CSMD1: variants seen among roughly 807,000 people sequenced by gnomAD.
CSMD1 encodes CUB and sushi domain-containing protein 1.
CSMD1 carries 213 observed loss-of-function variants against 417.5 expected under a neutral mutation model. That is an observed-to-expected ratio of 0.51 (90% CI 0.46 to 0.57). CSMD1 has a LOEUF of 0.57. Among genes scored for constraint, CSMD1 ranks in the 20% least tolerant of loss-of-function variants. The pLI is 0.00. For missense variants in CSMD1, 6,923 were observed against 4,529.7 expected, an observed-to-expected ratio of 1.53 and a Z score of -15.17; for synonymous variants, 2,862 against 1,736.8, an observed-to-expected ratio of 1.65 and a Z score of -16.11.
chr8:3,550,359 A>G (rs1585347723), intron 10 of CSMD1, among the ~76,000 whole-genome samples: 2 of 152,010 alleles, frequency 1.3e-5, no homozygotes, highest in Non-Finnish European at 2.9e-5. Context: ...CAGGGCCTTG[A>G]CCCCGCCTGG....
chr8:4,320,784 T>C (rs1251231986), intron 3 of CSMD1, among the ~76,000 whole-genome samples: 1 of 152,170 alleles, frequency 6.6e-6, no homozygotes, highest in African/African-American at 2.4e-5. Flanking sequence ...TGGTGATTCC[T>C]CAAGGATCTA....
intron 3 of CSMD1, among the ~76,000 whole-genome samples, chr8:4,274,589 C>G (rs1051094790): frequency 6.6e-6 from 1 of 152,038 alleles, no homozygotes; most frequent in Non-Finnish European, 1.5e-5. Flanking sequence ...TATATCTATT[C>G]TATTAATAGA....
At chr8:4,572,915 T>C (rs1798956169) in intron 2 of CSMD1, among the ~76,000 whole-genome samples, 1 of 152,204 alleles carries the variant, frequency 6.6e-6, no homozygotes. Flanking sequence ...ATTCGGCTAC[T>C]GATACTTGTG....
At chr8:4,026,402 G>T (rs1207510786) in intron 4 of CSMD1, among the ~76,000 whole-genome samples, 3 of 152,184 alleles carry the variant, frequency 2.0e-5, no homozygotes, top group Non-Finnish European at 2.9e-5. Context: ...TTTACCACAT[G>T]GGTGGCAGCA....
chr8:4,864,192 A>T (rs1323041652), intron 1 of CSMD1, among the ~76,000 whole-genome samples: 1 of 151,968 alleles, frequency 6.6e-6, no homozygotes, highest in African/African-American at 2.4e-5. Flanking sequence ...ATGAAGTACA[A>T]CCAAAACAGA....
chr8:4,413,044 TAG>T (rs369713640), intron 3 of CSMD1, among the ~76,000 whole-genome samples: 136 of 152,226 alleles, frequency 8.9e-4, no homozygotes, highest in African/African-American at 2.8e-3. Context: ...TCCAGAAAAA[TAG>T]ACTTACAAAA....
intron 2 of CSMD1, among the ~76,000 whole-genome samples, chr8:4,428,796 T>C (rs1163108646): frequency 1.3e-5 from 2 of 152,144 alleles, no homozygotes; most frequent in African/African-American, 4.8e-5. Context: ...CTTGGCTCAC[T>C]GCAACCTCCA....
At chr8:4,639,598 GA>G in intron 1 of CSMD1, among the ~76,000 whole-genome samples, 1 of 152,284 alleles carries the variant, frequency 6.6e-6, no homozygotes, top group African/African-American at 2.4e-5. Flanking sequence ...AAAATATTGA[GA>G]AAGTTTTGAA....
At chr8:3,367,365 G>C (rs1809663817) in intron 19 of CSMD1, 118 bp from the exon 20 acceptor site, 5 of 661,308 alleles carry the variant, frequency 7.6e-6, no homozygotes, top group East Asian at 2.7e-5. Context: ...AGATGGAGAG[G>C]AAGAGAAAAT....
chr8:4,039,611 T>C (rs745816923), intron 3 of CSMD1, among the ~76,000 whole-genome samples: 33 of 152,076 alleles, frequency 2.2e-4, no homozygotes, highest in Non-Finnish European at 4.4e-4. Flanking sequence ...TTCTCCAGGA[T>C]GAGGAATGAC....
At chr8:3,650,246 C>T (rs1171020905) in intron 7 of CSMD1, among the ~76,000 whole-genome samples, 2 of 151,476 alleles carry the variant, frequency 1.3e-5, no homozygotes, top group Non-Finnish European at 2.9e-5. Flanking sequence ...TCATTGCACT[C>T]CAGCCTGGGT....
chr8:3,367,959 G>A (rs1178082468), intron 19 of CSMD1, among the ~76,000 whole-genome samples: 1 of 152,072 alleles, frequency 6.6e-6, no homozygotes, highest in Non-Finnish European at 1.5e-5. Context: ...CTTATTTGGA[G>A]GTCTGCATAA....
intron 2 of CSMD1, among the ~76,000 whole-genome samples, chr8:4,535,810 T>G (rs1797075276): frequency 6.6e-6 from 1 of 152,182 alleles, no homozygotes; most frequent in Non-Finnish European, 1.5e-5. Context: ...ATATTTTCCC[T>G]TTCTTTAAAG....
At chr8:3,253,974 G>T (rs983855449) in intron 26 of CSMD1, among the ~76,000 whole-genome samples, 1 of 152,188 alleles carries the variant, frequency 6.6e-6, no homozygotes, top group African/African-American at 2.4e-5. Context: ...TAGCCTTGAT[G>T]GTCTTTACAA....
chr8:2,959,082 CTTGA>C (rs1210206914), intron 62 of CSMD1, among the ~76,000 whole-genome samples: 3 of 152,154 alleles, frequency 2.0e-5, no homozygotes, highest in African/African-American at 7.2e-5. Flanking sequence ...CTCATTTACT[CTTGA>C]TTGATTGATT....
intron 5 of CSMD1, among the ~76,000 whole-genome samples, chr8:3,868,999 C>G (rs541466038): frequency 6.6e-6 from 1 of 152,324 alleles, no homozygotes; most frequent in East Asian, 1.9e-4. Context: ...CGATGGCTTT[C>G]CAGCTCTCTC....
At chr8:3,589,965 G>GGTGA (rs1554479887) in intron 8 of CSMD1, among the ~76,000 whole-genome samples, 1 of 151,806 alleles carries the variant, frequency 6.6e-6, no homozygotes, top group African/African-American at 2.4e-5. Context: ...GGAAATTTCT[G>GGTGA]GTGATATTCT....
chr8:3,630,541 C>T (rs1796730390), intron 7 of CSMD1, among the ~76,000 whole-genome samples: 1 of 152,144 alleles, frequency 6.6e-6, no homozygotes, highest in Non-Finnish European at 1.5e-5. Flanking sequence ...CCTACAGACC[C>T]AGGCAAAGCC....
intron 1 of CSMD1, among the ~76,000 whole-genome samples, chr8:4,889,153 G>A (rs576094058): frequency 2.6e-5 from 4 of 152,064 alleles, no homozygotes; most frequent in African/African-American, 9.7e-5. Context: ...ATCACAAAAA[G>A]AACAAGTTAC....
Sources: allele counts gnomAD v4.1 joint callset (sites outside exome capture counted in the v4.1 genomes callset), GRCh38; gene constraint gnomAD v4.1.1; transcripts MANE v1.5; gene names NCBI Gene and HGNC (gene_info 2026-07-23, HGNC 2026-07-21).